The following TPCN2 variants were observed in gnomAD, a reference collection of about 807,000 sequenced individuals.
TPCN2 encodes two pore segment channel 2.
In TPCN2, 92 loss-of-function variants were observed where a neutral mutation model predicts 111.4. That is an observed-to-expected ratio of 0.83 (90% CI 0.70 to 0.98). The LOEUF (loss-of-function observed/expected upper bound fraction) is 0.98, where lower values mean the gene tolerates loss of function less well. Among genes scored for constraint, TPCN2 ranks in the 50% least tolerant of loss-of-function variants. The pLI, the probability that TPCN2 is intolerant of heterozygous loss-of-function variation, is 0.00. For missense variants in TPCN2, 995 were observed against 980.1 expected (o/e 1.02, Z -0.20); for synonymous variants, 405 against 414.5 (o/e 0.98, Z 0.28).
At chr11:69,084,045 G>T in intron 19 of TPCN2, 29 bp downstream of exon 19, 1 of 1,610,622 alleles carries the variant, frequency 6.2e-7, no homozygotes, top group Non-Finnish European at 8.5e-7. Flanking sequence ...CTGGTGGCGG[G>T]TTATGCACTG....
Position 69,048,967 on chromosome 11 carries a change from T to C in TPCN2, c.-31T>C, listed in dbSNP as rs1012533730. On this transcript the variant is annotated 5_prime_UTR_variant, in exon 1 of 25. Coordinates refer to ENST00000294309, the MANE Select transcript of TPCN2 (RefSeq NM_139075.4). Reference sequence around the variant, plus strand: ...TGGGCGCCTTCGGGGCTTGAGCTTCTGAGGGTCGGGTCCAGCGCGTGGGCT... The same window carrying C: ...TGGGCGCCTTCGGGGCTTGAGCTTCCGAGGGTCGGGTCCAGCGCGTGGGCT... 8.3e-5 allele frequency: 102 copies of C among 1,223,090 alleles called. No individual in the cohort carries two copies. The highest frequency in any genetic ancestry group is 9.7e-5 in the Non-Finnish European group (95 of 976,348). The allele number at this position is 1,223,090 out of a possible 1,614,324, so 75.8% of individuals were successfully genotyped here.
chr11:69,080,482 T>C (rs1330856953), intron 17 of TPCN2, among the ~76,000 whole-genome samples: 1 of 152,220 alleles, frequency 6.6e-6, no homozygotes, highest in Non-Finnish European at 1.5e-5. Flanking sequence ...CACAGGGCTG[T>C]CAGCCAGGCT....
At chr11:69,085,155 G>A (rs1467235976) in intron 19 of TPCN2, 55 bp from the exon 20 acceptor site, 17 of 1,504,912 alleles carry the variant, frequency 1.1e-5, no homozygotes, top group East Asian at 2.3e-5. Flanking sequence ...GGGGAGGGTG[G>A]TGGTGGGTGC....
chr11:69,067,896 C>T (rs899058741), intron 8 of TPCN2, among the ~76,000 whole-genome samples: 1 of 152,120 alleles, frequency 6.6e-6, no homozygotes, highest in African/African-American at 2.4e-5. Context: ...TCCTCTTCCT[C>T]CTTGTCTACT....
chr11:69,064,977 CTGTA>C (rs1444244524), intron 7 of TPCN2, among the ~76,000 whole-genome samples: 3 of 142,214 alleles, frequency 2.1e-5, no homozygotes, highest in African/African-American at 7.6e-5. Flanking sequence ...TGCATGGTGT[CTGTA>C]TGTCTGTGTG....
chr11:69,079,485 A>G (rs1167837985), intron 16 of TPCN2: 3 of 296,440 alleles, frequency 1.0e-5, no homozygotes, highest in South Asian at 6.2e-5. Context: ...GTGTGTCACA[A>G]GCAGCCACAT....
intron 24 of TPCN2, 68 bp downstream of exon 24, chr11:69,087,274 G>A: frequency 6.9e-7 from 1 of 1,444,580 alleles, no homozygotes; most frequent in Non-Finnish European, 9.6e-7. Context: ...GGGGGGTGGA[G>A]GGGTTGAGGC....
chr11:69,070,473 C>T lies in TPCN2; in HGVS notation c.873C>T (p.Phe291=). Residue 291 remains phenylalanine (F), a synonymous_variant, in exon 9 of 25, where the codon TTC becomes TTT. Coordinates refer to ENST00000294309, the MANE Select transcript of TPCN2 (RefSeq NM_139075.4). ...CCAAGAACCGGGCCTATGCCATCTT[C>T]TTCATAGTCTTCACTGTGATAGGTG... ...AYSKNRAYAI[F]FIVFTVIGSL... 6.2e-7 allele frequency: 1 copy of T among 1,609,540 alleles called. No individual in the cohort carries two copies. The highest frequency in any genetic ancestry group is 8.5e-7 in the Non-Finnish European group (1 of 1,178,316).
At chr11:69,065,699 T>C (rs751630125) in intron 7 of TPCN2, among the ~76,000 whole-genome samples, 6 of 152,216 alleles carry the variant, frequency 3.9e-5, no homozygotes, top group Admixed American at 1.3e-4. Flanking sequence ...CCAGCCTGCT[T>C]GTCCTCTGCT....
At chr11:69,075,543 C>T (rs932803243) in intron 13 of TPCN2, among the ~76,000 whole-genome samples, 10 of 152,196 alleles carry the variant, frequency 6.6e-5, no homozygotes, top group African/African-American at 1.4e-4. Flanking sequence ...ACGCAGAGCC[C>T]GCTGACGTGA....
In TPCN2 at chr11:69,055,184, C is replaced by T; in HGVS notation, c.261C>T (p.Ser87=). The T allele has an allele frequency of 6.2e-7, 1 of 1,613,882 alleles. No homozygotes were observed. Among genetic ancestry groups the T allele is most frequent in the South Asian group, 1.1e-5 (1 of 91,036 alleles). ...YYSNVCQRTL[S]FTIFLILFLA... is the part of the protein sequence containing the mutation. The stretch of plus-strand genomic sequence containing the variant: ...TCTGTCCCCTTTCCAGGACTTTGAG[C>T]TTCACCATCTTCTTGATCCTGTTTT... The change falls in exon 4 of 25, where the codon AGC becomes AGT. Residue 87 remains serine (S), a synonymous_variant. Coordinates refer to ENST00000294309, the MANE Select transcript of TPCN2 (RefSeq NM_139075.4).
At chr11:69,077,342 TCACCTGCCCTCCTGCCATGTCCCTC>T (rs1565091892) in intron 13 of TPCN2, among the ~76,000 whole-genome samples, 1 of 8,498 alleles carries the variant, frequency 1.2e-4, no homozygotes, top group Non-Finnish European at 2.9e-4. Flanking sequence ...CTGTGTCCCT[TCACCTGCCCTCCTGCCATGTCCCTC>T]CACCTGCCCT....
intron 4 of TPCN2, among the ~76,000 whole-genome samples, chr11:69,056,558 C>G (rs746289742): frequency 6.6e-6 from 1 of 152,152 alleles, no homozygotes; most frequent in Non-Finnish European, 1.5e-5. Flanking sequence ...TTTTGAGACA[C>G]AGTCTCGCTC....
At chr11:69,072,088 G>C in intron 11 of TPCN2, 65 bp downstream of exon 11, 1 of 1,403,810 alleles carries the variant, frequency 7.1e-7, no homozygotes, top group South Asian at 1.2e-5. Context: ...GGCAGGGGCC[G>C]GGTGTTCATT....
intron 19 of TPCN2, among the ~76,000 whole-genome samples, 154 bp from the exon 20 acceptor site, chr11:69,085,055 TG>T (rs1856212535): frequency 6.6e-6 from 1 of 152,048 alleles, no homozygotes; most frequent in South Asian, 2.1e-4. Context: ...GCCAGCTGCG[TG>T]TGTTTTGAAG....
rs543282845 is a variant in TPCN2, at chr11:69,070,489, G to T, written c.889G>T (p.Val297Leu). The T allele has an allele frequency of 6.2e-7, 1 of 1,606,202 alleles. No homozygotes were observed. The highest frequency in any genetic ancestry group is 1.3e-5 in the African/African-American group (1 of 74,532). The change falls in exon 9 of 25, where the codon GTG (valine) becomes TTG (leucine). Residue 297 changes from valine to leucine, a missense_variant. By Grantham distance (32) the Val-to-Leu change is conservative. Coordinates refer to ENST00000294309, the MANE Select transcript of TPCN2 (RefSeq NM_139075.4). ...AYAIFFIVFT[V>L]IGSLFLMNLL... ...TGCCATCTTCTTCATAGTCTTCACTGTGATAGGTGAGTGCAGGTAACGTGG... is the reference window on the plus strand; with the variant it reads ...TGCCATCTTCTTCATAGTCTTCACTTTGATAGGTGAGTGCAGGTAACGTGG...
At chr11:69,082,742 T>G (rs36015258) in intron 18 of TPCN2, among the ~76,000 whole-genome samples, 12,467 of 22,284 alleles carry the variant, frequency 0.56, 3,994 homozygotes, top group Non-Finnish European at 0.72. Flanking sequence ...CTCGTGCCCG[T>G]GTAAGACGCA....
chr11:69,054,870 G>A lies in TPCN2; in HGVS notation c.251+73G>A, dbSNP rs1417990927. 3 of 1,470,178 alleles carry A rather than the reference G, an allele frequency of 2.0e-6. No homozygotes were observed. In the African/African-American group the frequency reaches 4.2e-5, roughly 20 times the overall value. 91.1% of individuals were successfully genotyped at this position (1,470,178 alleles called of 1,614,324 possible). On this transcript the variant is annotated intron_variant, in intron 3 of 24. Coordinates refer to ENST00000294309, the MANE Select transcript of TPCN2 (RefSeq NM_139075.4). Reference sequence around the variant, plus strand: ...GCAGGGGAGGCTGGCCCCCACCTGGGGATCACCTGGTCTCAGGGTCCAGGC... The same window carrying A: ...GCAGGGGAGGCTGGCCCCCACCTGGAGATCACCTGGTCTCAGGGTCCAGGC...
At chr11:69,063,812 C>T (rs1187681760) in intron 6 of TPCN2, 83 bp from the exon 7 acceptor site, 2 of 1,375,672 alleles carry the variant, frequency 1.5e-6, no homozygotes. Context: ...CTTGGGCGCT[C>T]CTGTCACCGA....
Sources: allele counts gnomAD v4.1 joint callset (sites outside exome capture counted in the v4.1 genomes callset), GRCh38; gene constraint gnomAD v4.1.1; transcripts MANE v1.5; gene names NCBI Gene and HGNC (gene_info 2026-07-23, HGNC 2026-07-21).